Variants in ZNF718 observed in about 807,000 individuals in gnomAD.
ZNF718 encodes zinc finger protein 718.
ZNF718 carries 3 observed loss-of-function variants against 2.6 expected under a neutral mutation model. The observed-to-expected ratio is 1.16, with a 90% CI of 0.53 to 3.01. ZNF718 has a LOEUF of 3.01. ZNF718 is among the 30% of genes most tolerant of loss of function. The pLI is 0.03. For synonymous variants in ZNF718, 135 were observed against 77.9 expected, an observed-to-expected ratio of 1.73 and a Z score of -3.86; for missense variants, 468 against 230.0, an observed-to-expected ratio of 2.03 and a Z score of -6.69.
At chr4:126,285 G>C (rs1275094970) in intron 1 of ZNF718, among the ~76,000 whole-genome samples, 2 of 152,210 alleles carry the variant, frequency 1.3e-5, no homozygotes, top group East Asian at 3.9e-4. Context: ...TCTTTAGAGT[G>C]AGGGAAGAAT....
intron 3 of ZNF718, among the ~76,000 whole-genome samples, chr4:173,725 A>G (rs1717290896): frequency 6.6e-6 from 1 of 152,208 alleles, no homozygotes; most frequent in Non-Finnish European, 1.5e-5. Context: ...AAGGGCCAAG[A>G]TAAAATTGCC....
At chr4:187,707 A>G (rs1467868710) in intron 3 of ZNF718, among the ~76,000 whole-genome samples, 4 of 152,050 alleles carry the variant, frequency 2.6e-5, no homozygotes, top group African/African-American at 9.7e-5. Context: ...GTCTCACCCA[A>G]TCAGGGGAAA....
intron 3 of ZNF718, among the ~76,000 whole-genome samples, chr4:169,373 G>A (rs1276953634): frequency 6.6e-6 from 1 of 152,114 alleles, no homozygotes; most frequent in African/African-American, 2.4e-5. Context: ...AGGTCTGCTT[G>A]GTGCAGGGCT....
rs5742061 is a variant in ZNF718, at chr4:146,077, CTATA to C, written c.226+14592_226+14595del. Among the ~76,000 whole-genome samples, 662 of 142,804 alleles carry C rather than the reference CTATA, an allele frequency of 4.6e-3. 6 individuals are homozygous for C. The highest frequency in any genetic ancestry group is 0.012 in the East Asian group (60 of 4,902). 93.7% of individuals were successfully genotyped at this position (142,804 alleles called of 152,430 possible). ...GCACCATAATTAGTGATATAGCCTT[CTATA>C]TATATATATATATATATATGTTTTC... On this transcript the variant is annotated intron_variant, in intron 3 of 3. Transcript: ENST00000510175.
At chr4:174,885 G>C (rs1717317179) in intron 3 of ZNF718, among the ~76,000 whole-genome samples, 1 of 152,126 alleles carries the variant, frequency 6.6e-6, no homozygotes, top group South Asian at 2.1e-4. Flanking sequence ...ACTTTTTACA[G>C]TCCTCCTGAA....
chr4:146,583 C>A (rs1281828300), intron 3 of ZNF718, among the ~76,000 whole-genome samples: 1 of 151,956 alleles, frequency 6.6e-6, no homozygotes, highest in African/African-American at 2.4e-5. Flanking sequence ...GTATTTCTTC[C>A]AAGATTGGGA....
chr4:166,613 T>G (rs1349708113), downstream of ZNF718, among the ~76,000 whole-genome samples: 1 of 152,228 alleles, frequency 6.6e-6, no homozygotes, highest in African/African-American at 2.4e-5. Flanking sequence ...ATGATGAGCA[T>G]TTTTTCATGT....
intron 3 of ZNF718, among the ~76,000 whole-genome samples, chr4:140,133 C>A (rs1715749839): frequency 6.6e-6 from 1 of 152,100 alleles, no homozygotes; most frequent in Non-Finnish European, 1.5e-5. Context: ...TCTTCCCTTA[C>A]CGTACTCAAC....
At chr4:188,226 A>C (rs1388656018) in intron 3 of ZNF718, among the ~76,000 whole-genome samples, 4 of 152,150 alleles carry the variant, frequency 2.6e-5, no homozygotes, top group African/African-American at 9.7e-5. Flanking sequence ...TGCTGGGAAG[A>C]CTCATCCAGC....
chr4:164,132 C>G lies in ZNF718; in HGVS notation c.*2010C>G, dbSNP rs1464530121. ...AATTATAATTTAGACATTTCTGTGT[C>G]CTGAATAAATATGTTTTTAAATGTT... On this transcript the variant is annotated 3_prime_UTR_variant, in exon 4 of 4. Coordinates refer to ENST00000510175, the MANE Select transcript of ZNF718 (RefSeq NM_001039127.6). 2 of 151,828 alleles carry G rather than the reference C, an allele frequency of 1.3e-5. 1 individual carries two copies. The allele number at this position is 151,828 out of a possible 1,614,324, so 9.4% of individuals were successfully genotyped here. A position where few individuals can be genotyped will look rare whatever the true frequency, so the allele number is the denominator to read the frequency against.
intron 3 of ZNF718, among the ~76,000 whole-genome samples, chr4:136,785 G>A (rs1269636214): frequency 1.3e-5 from 2 of 152,206 alleles, no homozygotes; most frequent in Non-Finnish European, 2.9e-5. Context: ...TTCATTTGAA[G>A]CTAAGGAATA....
In ZNF718 at chr4:161,334, C is replaced by T. The variant is rs201938293; in HGVS notation, c.649C>T (p.His217Tyr). ...AFNWSSILTK[H>Y]KRIHAREKFY... ...TAATTGGTCCTCAATTCTTACTAAACATAAGAGAATTCATGCCAGAGAGAA... is the reference window on the plus strand; with the variant it reads ...TAATTGGTCCTCAATTCTTACTAAATATAAGAGAATTCATGCCAGAGAGAA... The change falls in exon 4 of 4, where the codon CAT (histidine) becomes TAT (tyrosine). Residue 217 changes from histidine to tyrosine, a missense_variant. His to Tyr is a moderately conservative substitution (Grantham distance 83). Transcript: ENST00000510175. 9.6e-5 allele frequency: 75 copies of T among 780,400 alleles called. 1 individual carries two copies. The Middle Eastern group carries it at 1.1e-3, about 12-fold the overall frequency. The allele number at this position is 780,400 out of a possible 1,614,324, so 48.3% of individuals were successfully genotyped here.
At chr4:171,249 C>T (rs1199448041) in intron 3 of ZNF718, among the ~76,000 whole-genome samples, 1 of 152,092 alleles carries the variant, frequency 6.6e-6, no homozygotes, top group East Asian at 1.9e-4. Flanking sequence ...GTCAGTCTAC[C>T]CCTACTGGGG....
At chr4:144,188 G>T (rs368422366) in intron 3 of ZNF718, among the ~76,000 whole-genome samples, 1 of 152,216 alleles carries the variant, frequency 6.6e-6, no homozygotes, top group Non-Finnish European at 1.5e-5. Context: ...GCTCGGGCCC[G>T]CACTGTGGAG....
At chr4:177,229 A>G (rs1243762635) in intron 3 of ZNF718, among the ~76,000 whole-genome samples, 2 of 152,210 alleles carry the variant, frequency 1.3e-5, no homozygotes, top group African/African-American at 4.8e-5. Flanking sequence ...GACTCATAAA[A>G]TAGAAACCAC....
rs1553815637 is a variant in ZNF718 at position 162,112 on chromosome 4, G to GA, written c.1431dup (p.Phe478IlefsTer5). 3 of 727,030 alleles carry GA rather than the reference G, an allele frequency of 4.1e-6. No individual in the cohort carries two copies. Among genetic ancestry groups the GA allele is most frequent in the South Asian group, 3.0e-5 (2 of 65,978 alleles). 45.0% of individuals were successfully genotyped at this position (727,030 alleles called of 1,614,324 possible). A position where few individuals can be genotyped will look rare whatever the true frequency, so the allele number is the denominator to read the frequency against. On this transcript the variant is annotated frameshift_variant, in exon 4 of 4. Coordinates refer to ENST00000510175, the MANE Select transcript of ZNF718 (RefSeq NM_001039127.6). LOFTEE classifies it high-confidence loss of function. The stretch of plus-strand genomic sequence containing the variant: ...CAACATAAGAGAACTCATACTGGAG[G>GA]AAAATTTTAGAAATGTGAAGAATGT...
intron 3 of ZNF718, among the ~76,000 whole-genome samples, chr4:182,430 ATTTATTTATTTATT>A (rs1293958853): frequency 3.4e-5 from 5 of 147,094 alleles, no homozygotes; most frequent in Admixed American, 6.7e-5. Context: ...TTATTTATTT[ATTTATTTATTTATT>A]TATTTTTGAG....
chr4:155,529 G>C (rs986351254), intron 3 of ZNF718, among the ~76,000 whole-genome samples: 8 of 152,188 alleles, frequency 5.3e-5, no homozygotes, highest in African/African-American at 1.9e-4. Context: ...AGATTTGACT[G>C]CCTTGCTGAA....
intron 3 of ZNF718, among the ~76,000 whole-genome samples, chr4:196,991 C>T (rs1717804478): frequency 1.3e-5 from 2 of 148,666 alleles, no homozygotes; most frequent in African/African-American, 4.9e-5. Flanking sequence ...TCTTAGAGCT[C>T]CCAAGATGGG....
Sources: allele counts gnomAD v4.1 joint callset (sites outside exome capture counted in the v4.1 genomes callset), GRCh38; gene constraint gnomAD v4.1.1; transcripts MANE v1.5; gene names NCBI Gene and HGNC (gene_info 2026-07-23, HGNC 2026-07-21).